Variants in IGF1 observed in about 807,000 individuals in gnomAD.
IGF1 encodes insulin-like growth factor 1.
A neutral mutation model predicts 13.8 loss-of-function variants in IGF1; 4 were observed. That is an observed-to-expected ratio of 0.29 (90% confidence interval 0.14 to 0.66). The LOEUF (loss-of-function observed/expected upper bound fraction) is 0.66. IGF1 is among the 30% of genes least tolerant of loss of function. IGF1 has a pLI of 0.78. For missense variants in IGF1, 124 were observed against 188.5 expected (o/e 0.66, Z 2.00); for synonymous variants, 76 against 72.6 (o/e 1.05, Z -0.23).
chr12:102,402,916 G>GA (rs1002364368), intron 3 of IGF1, among the ~76,000 whole-genome samples: 1 of 151,920 alleles, frequency 6.6e-6, no homozygotes, highest in Non-Finnish European at 1.5e-5. Flanking sequence ...TTCCTAGTAA[G>GA]AAAAAAAATC....
At chr12:102,457,902 T>A (rs1258032879) in intron 2 of IGF1, among the ~76,000 whole-genome samples, 1 of 152,232 alleles carries the variant, frequency 6.6e-6, no homozygotes, top group Non-Finnish European at 1.5e-5. Flanking sequence ...GTTAGTTTTC[T>A]GCTCTGGCTT....
chr12:102,470,332 C>T (rs1205969447), intron 2 of IGF1, among the ~76,000 whole-genome samples: 2 of 152,188 alleles, frequency 1.3e-5, no homozygotes, highest in African/African-American at 4.8e-5. Flanking sequence ...ACCCTTCGCT[C>T]TCCTGTTTAT....
At chr12:102,407,094 C>CAAAAAAAAAAA (rs57468885) in intron 3 of IGF1, among the ~76,000 whole-genome samples, 22 of 100,988 alleles carry the variant, frequency 2.2e-4, no homozygotes, top group Non-Finnish European at 3.0e-4. Flanking sequence ...ACTCTGTCTC[C>CAAAAAAAAAAA]AAAAAAAAAA....
At chr12:102,423,680 A>C (rs1249928064) in intron 2 of IGF1, among the ~76,000 whole-genome samples, 1 of 152,190 alleles carries the variant, frequency 6.6e-6, no homozygotes, top group African/African-American at 2.4e-5. Context: ...TAAATAATGC[A>C]TGGTCGGGGA....
At chr12:102,475,938 A>T in intron 1 of IGF1, 139 bp from the exon 2 acceptor site, 1 of 881,332 alleles carries the variant, frequency 1.1e-6, no homozygotes, top group Non-Finnish European at 1.8e-6. Flanking sequence ...CCAATAGAGT[A>T]CATGAGAACC....
intron 2 of IGF1, among the ~76,000 whole-genome samples, chr12:102,471,187 T>G (rs1880664293): frequency 6.6e-6 from 1 of 152,196 alleles, no homozygotes; most frequent in African/African-American, 2.4e-5. Context: ...AGAAACTATG[T>G]AAATAAGATA....
At chr12:102,420,621 CTCTCTT>C (rs1380566138) in intron 2 of IGF1, among the ~76,000 whole-genome samples, 2 of 152,120 alleles carry the variant, frequency 1.3e-5, no homozygotes, top group Non-Finnish European at 2.9e-5. Context: ...GTAGGGCTCC[CTCTCTT>C]ACCACCCCAA....
chr12:102,408,322 T>C (rs1874344883), intron 3 of IGF1, among the ~76,000 whole-genome samples: 1 of 152,176 alleles, frequency 6.6e-6, no homozygotes, highest in African/African-American at 2.4e-5. Flanking sequence ...TTGATATCTC[T>C]TTACTTCAGG....
At chr12:102,443,603 T>C (rs1046620822) in intron 2 of IGF1, among the ~76,000 whole-genome samples, 3 of 152,016 alleles carry the variant, frequency 2.0e-5, no homozygotes, top group African/African-American at 7.2e-5. Context: ...TCTCACAGAG[T>C]ATTTTCATGA....
chr12:102,407,326 A>C (rs536201406), intron 3 of IGF1, among the ~76,000 whole-genome samples: 6 of 152,172 alleles, frequency 3.9e-5, no homozygotes, highest in Non-Finnish European at 7.3e-5. Flanking sequence ...GTCACAGAGG[A>C]ACAAACTGAT....
chr12:102,397,446 T>C lies in IGF1; in HGVS notation c.*5061A>G, dbSNP rs1257481409. ...TTGTTCCAGATAGGAATTGGTTATT[T>C]AAATTGATATCTTTATCCTGTACCA... On this transcript the variant is annotated 3_prime_UTR_variant, in exon 4 of 4. Transcript: ENST00000337514. The C allele has an allele frequency of 1.3e-5, 2 of 152,208 alleles. No homozygotes were observed. The highest frequency in any genetic ancestry group is 2.9e-5 in the Non-Finnish European group (2 of 68,044). The allele number at this position is 152,208 out of a possible 1,614,324, so 9.4% of individuals were successfully genotyped here.
intron 3 of IGF1, among the ~76,000 whole-genome samples, chr12:102,409,369 G>A (rs1445532502): frequency 1.3e-5 from 2 of 152,154 alleles, no homozygotes; most frequent in African/African-American, 4.8e-5. Context: ...AGAGCAGGTA[G>A]CATATTTCCT....
intron 3 of IGF1, chr12:102,417,460 C>T (rs928742127): frequency 5.2e-6 from 4 of 773,298 alleles, no homozygotes; most frequent in South Asian, 1.2e-4. Context: ...CAGATTCATA[C>T]AAAATTTAAA....
intron 2 of IGF1, among the ~76,000 whole-genome samples, chr12:102,435,938 A>C (rs1040845051): frequency 4.6e-5 from 7 of 152,214 alleles, no homozygotes; most frequent in African/African-American, 1.7e-4. Context: ...ATCAACTCCT[A>C]ATATGTGTGT....
At chr12:102,467,588 T>G (rs1880417750) in intron 2 of IGF1, among the ~76,000 whole-genome samples, 1 of 152,162 alleles carries the variant, frequency 6.6e-6, no homozygotes, top group South Asian at 2.1e-4. Context: ...GCACACCATA[T>G]AGGAGACAGG....
intron 3 of IGF1, among the ~76,000 whole-genome samples, chr12:102,414,430 A>G (rs1176756973): frequency 6.6e-6 from 1 of 151,040 alleles, no homozygotes; most frequent in Non-Finnish European, 1.5e-5. Flanking sequence ...TTATTATTTA[A>G]TTTTTTTTTG....
chr12:102,452,098 T>G (rs1592803250), intron 2 of IGF1, among the ~76,000 whole-genome samples: 1 of 151,388 alleles, frequency 6.6e-6, no homozygotes, highest in African/African-American at 2.4e-5. Context: ...CCGTCTCTAC[T>G]AAAAATACAA....
Position 102,401,123 on chromosome 12 carries a change from C to A in IGF1, c.*1384G>T, listed in dbSNP as rs1043189757. 6.6e-6 allele frequency: 1 copy of A among 152,126 alleles called. No homozygotes were observed. The highest frequency in any genetic ancestry group is 2.4e-5 in the African/African-American group (1 of 41,404). 9.4% of individuals were successfully genotyped at this position (152,126 alleles called of 1,614,324 possible). ...GCAACTCAAGCGCCCTGATGTTGCA[C>A]CCTTACAGCAACCCAGGGTAAAAAA... On this transcript the variant is annotated 3_prime_UTR_variant, in exon 4 of 4. Coordinates refer to ENST00000337514, the MANE Select transcript of IGF1 (RefSeq NM_000618.5).
intron 2 of IGF1, among the ~76,000 whole-genome samples, chr12:102,465,632 A>C (rs1213012586): frequency 2.6e-5 from 4 of 152,204 alleles, no homozygotes; most frequent in African/African-American, 9.7e-5. Flanking sequence ...GAACAGCCAC[A>C]TATGTTAAGG....
Sources: allele counts gnomAD v4.1 joint callset (sites outside exome capture counted in the v4.1 genomes callset), GRCh38; gene constraint gnomAD v4.1.1; transcripts MANE v1.5; gene names NCBI Gene and HGNC (gene_info 2026-07-23, HGNC 2026-07-21).